ANK3: variants seen among roughly 807,000 people sequenced by gnomAD.
ANK3 encodes ankyrin 3, also known as ankyrin-3.
Under a neutral mutation model 370.9 loss-of-function variants are expected in ANK3, and 57 were observed. The ratio of observed to expected loss-of-function variants is 0.15; its 90% CI spans 0.12 to 0.19. ANK3 has a LOEUF of 0.19. Ranked by LOEUF, ANK3 falls within the 10% of genes least tolerant of loss-of-function variation. The probability of loss-of-function intolerance (pLI) is 1.00; values close to 1 mark genes in which losing one functional copy is unlikely to be tolerated. For synonymous variants in ANK3, 1,929 were observed against 1,946.3 expected, an observed-to-expected ratio of 0.99 and a Z score of 0.23; for missense variants, 4,439 against 5,302.1, an observed-to-expected ratio of 0.84 and a Z score of 5.06.
At position 60,114,288 on chromosome 10, in the gene ANK3, T is replaced by C. The variant is rs1401729393; in HGVS notation, c.2885A>G (p.His962Arg). 6.2e-7 allele frequency: 1 copy of C among 1,608,798 alleles called. No individual in the cohort carries two copies. Residue 962 changes from histidine to arginine, a missense_variant, in exon 26 of 44, where the codon CAT (histidine) becomes CGT (arginine). By Grantham distance (29) the His-to-Arg change is conservative. Transcript: ENST00000280772. ...TAAGGTGTCTGCAGCCCAGCTGTAA[T>C]GTCTAAGAGAATCTGAATCAAATTC... ...TREFDSDSLR[H>R]YSWAADTLDN... is the part of the protein sequence containing the mutation.
At chr10:60,053,986 G>T (rs1377472332) in intron 42 of ANK3, among the ~76,000 whole-genome samples, 1 of 152,108 alleles carries the variant, frequency 6.6e-6, no homozygotes, top group Admixed American at 6.6e-5. Context: ...TCCTGAAAAT[G>T]TTTTCTAATG....
chr10:60,173,297 G>T, intron 18 of ANK3, 111 bp from the exon 19 acceptor site: 1 of 871,962 alleles, frequency 1.1e-6, no homozygotes, highest in Non-Finnish European at 1.7e-6. Flanking sequence ...GCTGGCAAAA[G>T]TAGGTTTTTT....
In ANK3 at chr10:60,308,907, G is replaced by A. The variant is rs72822261; in HGVS notation, c.115-29268C>T. Among the ~76,000 whole-genome samples, 842 of 152,074 alleles carry A rather than the reference G, an allele frequency of 5.5e-3. 6 individuals carry two copies. Among genetic ancestry groups the A allele is most frequent in the South Asian group, 0.013 (64 of 4,792 alleles). On this transcript the variant is annotated intron_variant, in intron 1 of 43. Coordinates refer to ENST00000280772, the MANE Select transcript of ANK3 (RefSeq NM_020987.5). ...GGATGCCTGGGGGAACTTTTGCTTC[G>A]GGTGCTGTTTTTCCCACTGAGTTCA... is the stretch of plus-strand genomic sequence containing the variant.
intron 17 of ANK3, among the ~76,000 whole-genome samples, chr10:60,186,269 T>G (rs776213479): frequency 3.3e-5 from 5 of 152,136 alleles, no homozygotes; most frequent in Non-Finnish European, 5.9e-5. Flanking sequence ...TATGGCTATG[T>G]GTACATAGAG....
chr10:60,250,414 G>A (rs932803694), intron 7 of ANK3, among the ~76,000 whole-genome samples: 3 of 152,078 alleles, frequency 2.0e-5, no homozygotes, highest in Non-Finnish European at 4.4e-5. Flanking sequence ...GCCCAGGCTG[G>A]AGTGCAGTGG....
At chr10:60,120,228 A>G (rs1250982089) in intron 25 of ANK3, among the ~76,000 whole-genome samples, 1 of 152,218 alleles carries the variant, frequency 6.6e-6, no homozygotes, top group Non-Finnish European at 1.5e-5. Flanking sequence ...TAGTCTCTTC[A>G]ATAAATGATG....
intron 17 of ANK3, among the ~76,000 whole-genome samples, chr10:60,183,714 C>T (rs907000668): frequency 1.4e-4 from 21 of 152,006 alleles, no homozygotes; most frequent in Non-Finnish European, 7.4e-5. Context: ...CAAAATTAGC[C>T]GGGAGTGGTG....
intron 25 of ANK3, among the ~76,000 whole-genome samples, chr10:60,126,927 C>T (rs909115529): frequency 3.9e-5 from 6 of 152,134 alleles, no homozygotes; most frequent in Admixed American, 2.6e-4. Flanking sequence ...TTAGTAATGA[C>T]AGAAAACCAA....
intron 1 of ANK3, among the ~76,000 whole-genome samples, chr10:60,730,155 G>T (rs554087035): frequency 3.2e-4 from 49 of 152,122 alleles, no homozygotes; most frequent in South Asian, 2.5e-3. Context: ...AAAGATTTTT[G>T]TTTTTGAGAC....
intron 1 of ANK3, among the ~76,000 whole-genome samples, chr10:60,651,000 G>A (rs1303711684): frequency 2.0e-5 from 3 of 152,158 alleles, no homozygotes; most frequent in African/African-American, 7.2e-5. Context: ...GGAGGTTGAG[G>A]TGAGAGGACT....
At chr10:60,386,932 G>A (rs9633532) in intron 1 of ANK3, among the ~76,000 whole-genome samples, 14,879 of 152,156 alleles carry the variant, frequency 0.098, 1,088 homozygotes, top group East Asian at 0.26. Flanking sequence ...GGCCTAGGCG[G>A]GTGGATCACC....
chr10:60,371,570 C>T (rs2060116913), intron 1 of ANK3, among the ~76,000 whole-genome samples: 1 of 152,124 alleles, frequency 6.6e-6, no homozygotes, highest in Non-Finnish European at 1.5e-5. Context: ...GTTTCATATT[C>T]ACTGCACTAC....
intron 1 of ANK3, among the ~76,000 whole-genome samples, chr10:60,377,631 A>G (rs2060969555): frequency 6.6e-6 from 1 of 152,246 alleles, no homozygotes. Flanking sequence ...TCATTTATAT[A>G]TAGAAAATAA....
At chr10:60,129,560 T>A (rs1294455338) in intron 25 of ANK3, among the ~76,000 whole-genome samples, 1 of 152,180 alleles carries the variant, frequency 6.6e-6, no homozygotes, top group Non-Finnish European at 1.5e-5. Context: ...GAGACAAGCC[T>A]GGGCAACATG....
At chr10:60,612,992 A>T (rs1340205430) in intron 2 of ANK3, among the ~76,000 whole-genome samples, 2 of 152,220 alleles carry the variant, frequency 1.3e-5, no homozygotes, top group Non-Finnish European at 2.9e-5. Flanking sequence ...GACTGTGCAC[A>T]AATATGTGAG....
chr10:60,605,633 T>C (rs2078119233), intron 2 of ANK3, among the ~76,000 whole-genome samples: 1 of 152,092 alleles, frequency 6.6e-6, no homozygotes, highest in African/African-American at 2.4e-5. Flanking sequence ...ACAAGGAAAC[T>C]ATGTGAATGG....
Position 60,055,738 on chromosome 10 carries a change from T to C in ANK3, c.12985A>G (p.Met4329Val), listed in dbSNP as rs2079050770. Residue 4329 changes from methionine (M) to valine (V), a missense_variant, in exon 42 of 44, where the codon ATG becomes GTG. Around this residue, in one of 13 missense-constraint regions of ANK3, gnomAD observed 242 missense variants for 228.0 expected, o/e 1.06. Coordinates refer to ENST00000280772, the MANE Select transcript of ANK3 (RefSeq NM_020987.5). Reference sequence around the variant, plus strand: ...CCATCTGCTGGAGAAGTCCTACTCATCTTTTTCATACTGACAGGCACACAG... The same window carrying C: ...CCATCTGCTGGAGAAGTCCTACTCACCTTTTTCATACTGACAGGCACACAG... The part of the protein sequence containing the change: ...KPCVPVSMKK[M>V]SRTSPADGKP... 6.2e-7 allele frequency: 1 copy of C among 1,614,082 alleles called. No individual in the cohort carries two copies. Among genetic ancestry groups the C allele is most frequent in the Non-Finnish European group, 8.5e-7 (1 of 1,180,032 alleles).
At chr10:60,213,367 C>A in intron 9 of ANK3, 45 bp downstream of exon 9, 1 of 1,370,704 alleles carries the variant, frequency 7.3e-7, no homozygotes, top group East Asian at 2.3e-5. Flanking sequence ...ATATAACCAT[C>A]AAAATAAATA....
chr10:60,626,257 A>G (rs1440664509), intron 1 of ANK3, among the ~76,000 whole-genome samples: 1 of 152,212 alleles, frequency 6.6e-6, no homozygotes, highest in East Asian at 1.9e-4. Flanking sequence ...AAATATATTT[A>G]CTGTATTGCA....
Sources: allele counts gnomAD v4.1 joint callset (sites outside exome capture counted in the v4.1 genomes callset), GRCh38; gene constraint gnomAD v4.1.1; regional missense constraint gnomAD v4.1.1; transcripts MANE v1.5; gene names NCBI Gene and HGNC (gene_info 2026-07-23, HGNC 2026-07-21).